ATP11C: variants seen among roughly 807,000 people sequenced by gnomAD.
The protein encoded by ATP11C is ATPase phospholipid transporting 11C (ATP11C blood group).
Under a neutral mutation model 97.4 loss-of-function variants are expected in ATP11C, and 36 were observed. That is an observed-to-expected ratio of 0.37 (90% CI 0.28 to 0.49). The LOEUF is 0.49. ATP11C is among the 20% of genes least tolerant of loss of function. The pLI, the probability that ATP11C is intolerant of heterozygous loss-of-function variation, is 0.98. For synonymous variants in ATP11C, 275 were observed against 290.9 expected, an observed-to-expected ratio of 0.95 and a Z score of 0.56; for missense variants, 730 against 824.6, an observed-to-expected ratio of 0.89 and a Z score of 1.40.
chrX:139,787,942 C>T (rs2148729663), intron 14 of ATP11C, among the ~76,000 whole-genome samples: 1 of 112,506 alleles, frequency 8.9e-6, no homozygotes, highest in East Asian at 2.8e-4. Flanking sequence ...ATAGTATGAA[C>T]ATTCAGACTT....
intron 1 of ATP11C, among the ~76,000 whole-genome samples, chrX:139,926,513 A>G (rs1382104991): frequency 9.0e-6 from 1 of 111,706 alleles, no homozygotes; most frequent in Non-Finnish European, 1.9e-5. Flanking sequence ...TTTACCTCCT[A>G]GAACCCACTG....
intron 2 of ATP11C, among the ~76,000 whole-genome samples, chrX:139,822,340 G>A (rs1190182300): frequency 2.7e-5 from 3 of 111,727 alleles, no homozygotes; most frequent in African/African-American, 9.8e-5. Context: ...GGGACTACAG[G>A]CACACACCAC....
At position 139,872,485 on chromosome X, in the gene ATP11C, A is replaced by G. The variant is rs985744860; in HGVS notation, c.28-45662T>C. 1.4e-4 allele frequency among the ~76,000 whole-genome samples: 15 copies of G among 109,400 alleles called. No homozygotes were observed. In the East Asian group the frequency reaches 3.7e-3, roughly 27 times the overall value. On this transcript the variant is annotated intron_variant, in intron 1 of 29. Coordinates refer to ENST00000682941, the MANE Select transcript of ATP11C (RefSeq NM_001353812.2). ...CCTTAACTCGTCATTTACATTAGGT[A>G]TATCTCCCTAATGCTATCCCTCCCC...
At chrX:139,869,146 A>C (rs1249150450) in intron 1 of ATP11C, among the ~76,000 whole-genome samples, 1 of 112,180 alleles carries the variant, frequency 8.9e-6, no homozygotes, top group Non-Finnish European at 1.9e-5. Context: ...TAAAATCAGA[A>C]TCTTGAAGAC....
chrX:139,739,384 G>A (rs1368508013), intron 27 of ATP11C, among the ~76,000 whole-genome samples: 1 of 109,774 alleles, frequency 9.1e-6, no homozygotes, highest in Admixed American at 9.7e-5. Flanking sequence ...TTTGGGGCTC[G>A]GAAGTCATCA....
In ATP11C at chrX:139,873,890, G is replaced by A. The variant is rs190043169; in HGVS notation, c.28-47067C>T. Among the ~76,000 whole-genome samples, 296 of 108,724 alleles carry A rather than the reference G, an allele frequency of 2.7e-3. 1 individual carries two copies. The highest frequency in any genetic ancestry group is 9.4e-3 in the African/African-American group (280 of 29,894). The allele number at this position is 108,724 out of a possible 115,157, so 94.4% of individuals were successfully genotyped here. On this transcript the variant is annotated intron_variant, in intron 1 of 29. Transcript: ENST00000682941. ...GTGCAGCCAACAACTCCATGCACCCGAGACCAATTAAGAACAAAAACTGAG... is the reference window on the plus strand; with the variant it reads ...GTGCAGCCAACAACTCCATGCACCCAAGACCAATTAAGAACAAAAACTGAG...
At chrX:139,775,857 A>C (rs953761535) in intron 18 of ATP11C, among the ~76,000 whole-genome samples, 5 of 112,694 alleles carry the variant, frequency 4.4e-5, no homozygotes, top group African/African-American at 1.6e-4. Flanking sequence ...TAGTGGGCCA[A>C]TGCCCTACCT....
intron 18 of ATP11C, among the ~76,000 whole-genome samples, chrX:139,775,980 G>A (rs2082340765): frequency 8.9e-6 from 1 of 112,719 alleles, no homozygotes; most frequent in Non-Finnish European, 1.9e-5. Flanking sequence ...GGGAGCTATG[G>A]GATCCCTGGA....
At chrX:139,840,491 A>C (rs1165542672) in intron 1 of ATP11C, among the ~76,000 whole-genome samples, 1 of 112,674 alleles carries the variant, frequency 8.9e-6, no homozygotes, top group African/African-American at 3.2e-5. Context: ...TATTTTTATA[A>C]AAAGTCAGGC....
intron 1 of ATP11C, among the ~76,000 whole-genome samples, chrX:139,853,649 CA>C (rs2084040403): frequency 9.1e-6 from 1 of 109,978 alleles, no homozygotes; most frequent in African/African-American, 3.3e-5. Context: ...AGCCCGAAAG[CA>C]CTGAGGCCAT....
At chrX:139,872,636 G>C (rs778637628) in intron 1 of ATP11C, among the ~76,000 whole-genome samples, 3 of 110,495 alleles carry the variant, frequency 2.7e-5, no homozygotes, top group East Asian at 5.7e-4. Flanking sequence ...CCTTGCGATA[G>C]TTTGCTCAGA....
intron 1 of ATP11C, among the ~76,000 whole-genome samples, chrX:139,877,683 T>C (rs1475566854): frequency 8.9e-6 from 1 of 112,409 alleles, no homozygotes; most frequent in African/African-American, 3.2e-5. Context: ...AGTCCACTGT[T>C]GGCTACTGAG....
chrX:139,812,677 T>C (rs1298938350), intron 5 of ATP11C, among the ~76,000 whole-genome samples: 1 of 109,695 alleles, frequency 9.1e-6, no homozygotes, highest in African/African-American at 3.3e-5. Flanking sequence ...CCCAAGTAGC[T>C]GGGACTGCCT....
At chrX:139,753,048 A>G (rs769061419) in intron 23 of ATP11C, among the ~76,000 whole-genome samples, 1 of 111,708 alleles carries the variant, frequency 9.0e-6, no homozygotes, top group South Asian at 3.8e-4. Flanking sequence ...TACTGGCAGT[A>G]TGAGACAGAT....
chrX:139,860,524 A>T (rs1724168005), intron 1 of ATP11C, among the ~76,000 whole-genome samples: 1 of 111,990 alleles, frequency 8.9e-6, no homozygotes, highest in Non-Finnish European at 1.9e-5. Flanking sequence ...ACTTCAAAAT[A>T]ATCCAGATTC....
intron 1 of ATP11C, among the ~76,000 whole-genome samples, chrX:139,850,823 A>G (rs1391757001): frequency 9.0e-6 from 1 of 110,729 alleles, no homozygotes; most frequent in East Asian, 2.9e-4. Flanking sequence ...GAGGCAGAGA[A>G]TTGTTGAACC....
chrX:139,852,324 T>C (rs1264205250), intron 1 of ATP11C, among the ~76,000 whole-genome samples: 3 of 105,745 alleles, frequency 2.8e-5, no homozygotes, highest in Non-Finnish European at 5.9e-5. Flanking sequence ...TGGGGGCCCA[T>C]CTGGGATTAC....
chrX:139,822,423 GT>G (rs112205119), intron 2 of ATP11C, among the ~76,000 whole-genome samples: 7,144 of 91,746 alleles, frequency 0.078, 634 homozygotes, highest in African/African-American at 0.33. Flanking sequence ...TTGTTTGTTT[GT>G]TTTTTTTGAG....
intron 1 of ATP11C, among the ~76,000 whole-genome samples, chrX:139,832,975 A>C (rs2083680965): frequency 8.9e-6 from 1 of 112,344 alleles, no homozygotes; most frequent in African/African-American, 3.2e-5. Flanking sequence ...TCCAAAAATT[A>C]CTTTCTAGAT....
Sources: allele counts gnomAD v4.1 joint callset (sites outside exome capture counted in the v4.1 genomes callset), GRCh38; gene constraint gnomAD v4.1.1; transcripts MANE v1.5; gene names NCBI Gene and HGNC (gene_info 2026-07-23, HGNC 2026-07-21).